Variants in RBM20 observed in about 807,000 individuals in gnomAD.
RBM20 encodes RNA binding motif protein 20.
A neutral mutation model predicts 110.1 loss-of-function variants in RBM20; 51 were observed. The ratio of observed to expected loss-of-function variants is 0.46; its 90% CI spans 0.37 to 0.59. The LOEUF (loss-of-function observed/expected upper bound fraction) is 0.59. Among genes scored for constraint, RBM20 ranks in the 20% least tolerant of loss-of-function variants. The pLI is 0.00. For missense variants in RBM20, 1,512 were observed against 1,574.9 expected, an observed-to-expected ratio of 0.96 and a Z score of 0.68; for synonymous variants, 589 against 618.2, an observed-to-expected ratio of 0.95 and a Z score of 0.70.
At chr10:110,714,941 A>G (rs1862993652) in intron 1 of RBM20, among the ~76,000 whole-genome samples, 1 of 152,180 alleles carries the variant, frequency 6.6e-6, no homozygotes, top group African/African-American at 2.4e-5. Context: ...CTGTAATCCA[A>G]AAGGTTTTTA....
At chr10:110,816,709 A>C (rs960667331) in intron 9 of RBM20, among the ~76,000 whole-genome samples, 1 of 152,130 alleles carries the variant, frequency 6.6e-6, no homozygotes, top group African/African-American at 2.4e-5. Context: ...CCCAGTCCCT[A>C]GAGGAGGGCT....
chr10:110,767,366 C>T (rs113487711), intron 1 of RBM20, among the ~76,000 whole-genome samples: 4 of 143,838 alleles, frequency 2.8e-5, no homozygotes, highest in Non-Finnish European at 6.1e-5. Context: ...CCCTCCCGGA[C>T]AGGGCGGCTG....
At chr10:110,772,109 T>G (rs1844201601) in intron 1 of RBM20, among the ~76,000 whole-genome samples, 1 of 152,126 alleles carries the variant, frequency 6.6e-6, no homozygotes, top group South Asian at 2.1e-4. Context: ...CAATTAATTT[T>G]TGCCCATTGT....
chr10:110,699,665 C>A (rs934393937), intron 1 of RBM20, among the ~76,000 whole-genome samples: 1 of 151,862 alleles, frequency 6.6e-6, no homozygotes, highest in Non-Finnish European at 1.5e-5. Context: ...TTCCTTTATA[C>A]GGTGGTCCCC....
chr10:110,760,386 G>C (rs1197088426), intron 1 of RBM20, among the ~76,000 whole-genome samples: 1 of 141,832 alleles, frequency 7.1e-6, no homozygotes, highest in Non-Finnish European at 1.5e-5. Flanking sequence ...GACACTATAA[G>C]CTACATGGGT....
chr10:110,781,319 G>T lies in RBM20; in HGVS notation c.710G>T (p.Gly237Val), dbSNP rs761557813. 1.1e-5 allele frequency: 17 copies of T among 1,551,552 alleles called. No homozygotes were observed. In the Middle Eastern group the frequency reaches 8.3e-4, roughly 76 times the overall value. ...GFYEYGKASSGQTYGPETDGQ... is the reference protein window; with the variant it reads ...GFYEYGKASSVQTYGPETDGQ... ...TATGAGTATGGCAAAGCCAGCTCTG[G>T]CCAGACATATGGCCCTGAAACAGAT... The change falls in exon 2 of 14, where the codon GGC becomes GTC. Residue 237 changes from glycine to valine, a missense_variant. By Grantham distance (109) the Gly-to-Val change is moderately radical. Transcript: ENST00000369519.
rs774977749 is a variant in RBM20, at chr10:110,812,494, C to T, written c.2097C>T (p.Asp699=). ...CTCCCTGGAGGGACAACGGAGATGA[C>T]AAGAGGGACAGGATGGACCCCTGGG... ...DPAPWRDNGD[D]KRDRMDPWAH... is the part of the protein sequence containing the mutation. Residue 699 remains aspartate (D), a synonymous_variant, in exon 9 of 14, where the codon GAC becomes GAT. Transcript: ENST00000369519. 12 of 1,551,642 alleles carry T rather than the reference C, an allele frequency of 7.7e-6. No homozygotes were observed. Among genetic ancestry groups the T allele is most frequent in the South Asian group, 7.1e-5 (6 of 84,056 alleles).
intron 5 of RBM20, among the ~76,000 whole-genome samples, chr10:110,788,222 T>A (rs938305347): frequency 6.6e-6 from 1 of 152,066 alleles, no homozygotes; most frequent in Non-Finnish European, 1.5e-5. Flanking sequence ...CCTCCCCCTC[T>A]CCCTACCCCA....
intron 1 of RBM20, among the ~76,000 whole-genome samples, chr10:110,693,743 T>G (rs10885018): frequency 0.59 from 89,752 of 152,010 alleles, 27,092 homozygotes; most frequent in Middle Eastern, 0.71. Context: ...TATATGTCTT[T>G]TGACTCATTA....
rs1974331 is a variant in RBM20, at chr10:110,722,897, G to A, written c.192-57904G>A. 2.9e-3 allele frequency among the ~76,000 whole-genome samples: 437 copies of A among 152,162 alleles called. 6 individuals are homozygous for A. The highest frequency in any genetic ancestry group is 9.7e-3 in the African/African-American group (404 of 41,520). ...GAGGCTGAGGCAGGCAGATCACTTG[G>A]GGTCAGGAGTTTGAGATTAGCCTGG... On this transcript the variant is annotated intron_variant, in intron 1 of 13. Coordinates refer to ENST00000369519, the MANE Select transcript of RBM20 (RefSeq NM_001134363.3).
chr10:110,795,592 T>A (rs1258865975), intron 5 of RBM20, among the ~76,000 whole-genome samples: 5 of 152,308 alleles, frequency 3.3e-5, no homozygotes, highest in Admixed American at 2.6e-4. Context: ...CATCTTAGAC[T>A]TTCCCCCTGT....
intron 13 of RBM20, among the ~76,000 whole-genome samples, chr10:110,831,677 A>AAC (rs1554844397): frequency 1.4e-5 from 2 of 139,722 alleles, no homozygotes; most frequent in African/African-American, 5.1e-5. Flanking sequence ...AAAAAAAAAA[A>AAC]AAAAAAAAAA....
chr10:110,736,186 C>T (rs1026181873), intron 1 of RBM20, among the ~76,000 whole-genome samples: 2 of 152,176 alleles, frequency 1.3e-5, no homozygotes, highest in Admixed American at 6.5e-5. Context: ...GAAGGAGTTG[C>T]TTAAAGCAAG....
At chr10:110,752,580 G>A (rs1318543855) in intron 1 of RBM20, among the ~76,000 whole-genome samples, 1 of 152,144 alleles carries the variant, frequency 6.6e-6, no homozygotes. Flanking sequence ...AAGATTTCTG[G>A]ATATAGATGT....
At chr10:110,825,468 G>A (rs569140788) in intron 12 of RBM20, among the ~76,000 whole-genome samples, 1 of 152,310 alleles carries the variant, frequency 6.6e-6, no homozygotes, top group Admixed American at 6.5e-5. Context: ...TTAAAGGTCT[G>A]ATTGATCTCT....
chr10:110,783,124 C>T (rs968228029), intron 2 of RBM20, among the ~76,000 whole-genome samples: 2 of 152,044 alleles, frequency 1.3e-5, no homozygotes, highest in Admixed American at 1.3e-4. Flanking sequence ...AGTCTGGGCT[C>T]CTGTTCAAGA....
At chr10:110,701,892 G>T (rs940995582) in intron 1 of RBM20, among the ~76,000 whole-genome samples, 6 of 152,240 alleles carry the variant, frequency 3.9e-5, no homozygotes, top group Admixed American at 2.0e-4. Context: ...AAGGCAGAGA[G>T]CTAACGGGGG....
Position 110,812,574 on chromosome 10 carries a change from G to A in RBM20, c.2177G>A (p.Arg726Gln), listed in dbSNP as rs756116415. 12 of 1,551,662 alleles carry A rather than the reference G, an allele frequency of 7.7e-6. No homozygotes were observed. The highest frequency in any genetic ancestry group is 1.4e-5 in the African/African-American group (1 of 73,156). ...RQLDKAELDE[R>Q]PEGGRPHREK... Reference sequence around the variant, plus strand: ...CTGGACAAGGCTGAGTTGGACGAGCGACCAGAAGGAGGGAGGCCCCACCGG... The same window carrying A: ...CTGGACAAGGCTGAGTTGGACGAGCAACCAGAAGGAGGGAGGCCCCACCGG... Residue 726 changes from arginine (R) to glutamine (Q), a missense_variant, in exon 9 of 14, where the codon CGA (arginine) becomes CAA (glutamine). Physicochemically the swap from Arg to Gln is conservative, Grantham distance 43. This residue lies in a region of RBM20 where 1,149 missense variants were observed against 1,169.4 expected (regional missense o/e 0.98). Coordinates refer to ENST00000369519, the MANE Select transcript of RBM20 (RefSeq NM_001134363.3).
chr10:110,781,228 C>T lies in RBM20; in HGVS notation c.619C>T (p.Pro207Ser). ...HPFTGVMPQT[P>S]GQPAVILGIG... ...TTTCACTGGGGTAATGCCTCAGACCCCTGGCCAGCCAGCAGTCATCTTGGG... is the reference window on the plus strand; with the variant it reads ...TTTCACTGGGGTAATGCCTCAGACCTCTGGCCAGCCAGCAGTCATCTTGGG... The change falls in exon 2 of 14, where the codon CCT (proline) becomes TCT (serine). Residue 207 changes from proline (P) to serine (S), a missense_variant. Physicochemically the swap from Pro to Ser is moderately conservative, Grantham distance 74 (BLOSUM62 -1). Coordinates refer to ENST00000369519, the MANE Select transcript of RBM20 (RefSeq NM_001134363.3). The T allele has an allele frequency of 6.4e-7, 1 of 1,551,678 alleles. No homozygotes were observed. The highest frequency in any genetic ancestry group is 8.7e-7 in the Non-Finnish European group (1 of 1,147,008).
Sources: gnomAD v4.1 joint callset for allele counts (sites outside exome capture counted in the v4.1 genomes callset) on GRCh38, gnomAD v4.1.1 for gene constraint, gnomAD v4.1.1 regional missense constraint, MANE v1.5 for transcripts, NCBI Gene and HGNC (gene_info 2026-07-23, HGNC 2026-07-21) for gene names.